CENPF: variants seen among roughly 807,000 people sequenced by gnomAD.
CENPF encodes centromere protein F.
In CENPF, 214 loss-of-function variants were observed where a neutral mutation model predicts 307.3. The observed-to-expected ratio is 0.70, with a 90% confidence interval of 0.62 to 0.78. The LOEUF is 0.78. Among genes scored for constraint, CENPF ranks in the 30% least tolerant of loss-of-function variants. The pLI is 0.00. For synonymous variants in CENPF, 1,259 were observed against 1,270.6 expected (o/e 0.99, Z 0.19); for missense variants, 3,401 against 3,483.9 (o/e 0.98, Z 0.60).
intron 8 of CENPF, 128 bp from the exon 9 acceptor site, chr1:214,630,406 C>G: frequency 9.1e-7 from 1 of 1,094,068 alleles, no homozygotes; most frequent in Middle Eastern, 3.1e-4. Flanking sequence ...GTTAAGTGGA[C>G]AGTTGGCTCA....
At chr1:214,615,125 A>G in intron 3 of CENPF, 97 bp downstream of exon 3, 2 of 808,868 alleles carry the variant, frequency 2.5e-6, no homozygotes, top group Non-Finnish European at 3.7e-6. Context: ...TATACTTTGC[A>G]ATTTTTTTTC....
At chr1:214,613,672 C>T in intron 1 of CENPF, 42 bp from the exon 2 acceptor site, 2 of 1,361,552 alleles carry the variant, frequency 1.5e-6, no homozygotes, top group Non-Finnish European at 2.0e-6. Flanking sequence ...ACTTTGTTTC[C>T]TTTTACTGTG....
chr1:214,642,106 A>G lies in CENPF; in HGVS notation c.3768A>G (p.Gln1256=), dbSNP rs1322456095. The change falls in exon 12 of 20, where the codon CAA becomes CAG. Residue 1256 remains glutamine (Q), a synonymous_variant. Coordinates refer to ENST00000366955, the MANE Select transcript of CENPF (RefSeq NM_016343.4). ...ETSNLQDMQS[Q]EISGLKDCEI... The stretch of plus-strand genomic sequence containing the variant: ...GCAATTTGCAAGACATGCAGTCACA[A>G]GAAATTAGTGGCCTTAAAGACTGTG... 6.2e-7 allele frequency: 1 copy of G among 1,612,516 alleles called. No homozygotes were observed. Among genetic ancestry groups the G allele is most frequent in the Non-Finnish European group, 8.5e-7 (1 of 1,179,564 alleles).
chr1:214,608,243 C>CGCCCCCCG, intron 1 of CENPF: 1 of 1,464,582 alleles, frequency 6.8e-7, no homozygotes, highest in South Asian at 1.2e-5. Flanking sequence ...CAGGGAAGCC[C>CGCCCCCCG]GCCCCCCGGC....
intron 1 of CENPF, chr1:214,608,384 T>C: frequency 6.2e-7 from 1 of 1,613,364 alleles, no homozygotes; most frequent in Non-Finnish European, 8.5e-7. Context: ...CTACCCGAGC[T>C]GGCACCGTAG....
intron 1 of CENPF, among the ~76,000 whole-genome samples, chr1:214,611,121 T>C (rs1406616336): frequency 6.6e-6 from 1 of 151,942 alleles, no homozygotes; most frequent in African/African-American, 2.4e-5. Flanking sequence ...CATGTTGCTG[T>C]CAGCTTTGTT....
rs1558195136 is a variant in CENPF at position 214,663,524 on chromosome 1, G to A, written c.9142-67G>A. On this transcript the variant is annotated intron_variant, in intron 19 of 19. Transcript: ENST00000366955. ...TTAATTTAAAACTTAGTGACATAGT[G>A]CTTTATTTTTCATGTTGTGGAAATG... The A allele has an allele frequency of 2.0e-6, 3 of 1,470,554 alleles. No individual in the cohort carries two copies. The East Asian group carries it at 6.8e-5, about 33-fold the overall frequency. 91.1% of individuals were successfully genotyped at this position (1,470,554 alleles called of 1,614,324 possible).
At chr1:214,628,303 T>C (rs1352098582) in intron 7 of CENPF, among the ~76,000 whole-genome samples, 1 of 152,186 alleles carries the variant, frequency 6.6e-6, no homozygotes, top group Non-Finnish European at 1.5e-5. Flanking sequence ...CAGGACCCTT[T>C]TAGTGGACTG....
At chr1:214,621,345 T>G (rs1269312500) in intron 6 of CENPF, among the ~76,000 whole-genome samples, 1 of 152,206 alleles carries the variant, frequency 6.6e-6, no homozygotes, top group Non-Finnish European at 1.5e-5. Flanking sequence ...AGAACAGCTT[T>G]GCTGTGCCCT....
intron 5 of CENPF, 128 bp downstream of exon 5, chr1:214,619,348 A>G (rs1024412664): frequency 1.9e-6 from 1 of 525,326 alleles, no homozygotes; most frequent in Non-Finnish European, 3.4e-6. Flanking sequence ...GTGCTGAGAA[A>G]AGGTTTTGGG....
In CENPF at chr1:214,663,812, G is replaced by A. The variant is rs769011675; in HGVS notation, c.*18G>A. 37 of 1,602,940 alleles carry A rather than the reference G, an allele frequency of 2.3e-5. 1 individual carries two copies. The highest frequency in any genetic ancestry group is 3.3e-4 in the Middle Eastern group (2 of 6,048). On this transcript the variant is annotated 3_prime_UTR_variant, in exon 20 of 20. Coordinates refer to ENST00000366955, the MANE Select transcript of CENPF (RefSeq NM_016343.4). ...TCCAGTGAAGGCACTTTGTGTGTCA[G>A]TACCCCTGGGAGGTGCCAGTCATTG...
intron 7 of CENPF, among the ~76,000 whole-genome samples, chr1:214,625,942 C>T (rs1029260625): frequency 1.3e-5 from 2 of 152,096 alleles, no homozygotes; most frequent in African/African-American, 4.8e-5. Context: ...AACTCTTAAA[C>T]ATATTTTAAA....
Position 214,645,247 on chromosome 1 carries a change from T to C in CENPF, c.5677T>C (p.Trp1893Arg). 1.2e-6 allele frequency: 2 copies of C among 1,614,024 alleles called. No homozygotes were observed. The highest frequency in any genetic ancestry group is 1.7e-6 in the Non-Finnish European group (2 of 1,180,006). ...TAATGTGGCCAAGGTGAATGACAGC[T>C]GGAAGGAGAGATTTCTTGATGTGGA... ...GDNVAKVNDS[W>R]KERFLDVENE... The change falls in exon 13 of 20, where the codon TGG (tryptophan) becomes CGG (arginine). Residue 1893 changes from tryptophan to arginine, a missense_variant. Trp to Arg is a moderately radical substitution (Grantham distance 101). Coordinates refer to ENST00000366955, the MANE Select transcript of CENPF (RefSeq NM_016343.4).
chr1:214,618,920 A>C (rs1340246846), intron 4 of CENPF, among the ~76,000 whole-genome samples: 1 of 152,214 alleles, frequency 6.6e-6, no homozygotes, highest in Non-Finnish European at 1.5e-5. Flanking sequence ...ATTTTCAAAG[A>C]AATTCAATTT....
intron 14 of CENPF, 117 bp from the exon 15 acceptor site, chr1:214,651,593 A>T: frequency 1.4e-6 from 1 of 706,832 alleles, no homozygotes; most frequent in Non-Finnish European, 2.3e-6. Flanking sequence ...TTCTGTACAG[A>T]TTTTATCTTG....
chr1:214,647,250 T>A lies in CENPF; in HGVS notation c.7680T>A (p.Asn2560Lys), dbSNP rs775352842. The change falls in exon 13 of 20, where the codon AAT (asparagine) becomes AAA (lysine). Residue 2560 changes from asparagine to lysine, a missense_variant. Coordinates refer to ENST00000366955, the MANE Select transcript of CENPF (RefSeq NM_016343.4). ...AGGAGCAAAACTTAGAACTGAGAAA[T>A]CTGACAGTGGAATTGGAGCAGAAGA... ...LWKEQNLELR[N>K]LTVELEQKIQ... The A allele has an allele frequency of 4.3e-6, 7 of 1,613,966 alleles. No individual in the cohort carries two copies. Among genetic ancestry groups the A allele is most frequent in the Non-Finnish European group, 5.9e-6 (7 of 1,179,972 alleles).
intron 19 of CENPF, among the ~76,000 whole-genome samples, chr1:214,661,247 A>G (rs186583867): frequency 5.3e-4 from 80 of 152,302 alleles, no homozygotes; most frequent in African/African-American, 1.9e-3. Flanking sequence ...AAATGAGGAG[A>G]GGGACCTTTT....
intron 1 of CENPF, 21 bp from the exon 2 acceptor site, chr1:214,613,693 C>T (rs1440633484): frequency 3.4e-6 from 5 of 1,466,988 alleles, no homozygotes; most frequent in Non-Finnish European, 4.6e-6. Flanking sequence ...GTAAGACCAA[C>T]AGTCTGGTTA....
At position 214,647,037 on chromosome 1, in the gene CENPF, T is replaced by G; in HGVS notation, c.7467T>G (p.Leu2489=). The G allele has an allele frequency of 6.2e-7, 1 of 1,614,058 alleles. No homozygotes were observed. The highest frequency in any genetic ancestry group is 8.5e-7 in the Non-Finnish European group (1 of 1,179,988). The change falls in exon 13 of 20, where the codon CTT becomes CTG. Residue 2489 remains leucine (L), a synonymous_variant. Coordinates refer to ENST00000366955, the MANE Select transcript of CENPF (RefSeq NM_016343.4). ...AGAAGGCTCAGTTGCTACAAGGCCT[T>G]GATGAGGCCAAAAATAATTATATTG... ...ELEKAQLLQG[L]DEAKNNYIVL...
Sources: gnomAD v4.1 joint callset for allele counts (sites outside exome capture counted in the v4.1 genomes callset) on GRCh38, gnomAD v4.1.1 for gene constraint, MANE v1.5 for transcripts, NCBI Gene and HGNC (gene_info 2026-07-23, HGNC 2026-07-21) for gene names.